The following MED16 variants were observed in gnomAD, a reference collection of about 807,000 sequenced individuals.
The protein encoded by MED16 is mediator complex subunit 16, also known as mediator of RNA polymerase II transcription subunit 16.
In MED16, 81 loss-of-function variants were observed where a neutral mutation model predicts 84.4. That is an observed-to-expected ratio of 0.96 (90% CI 0.80 to 1.15). The LOEUF (loss-of-function observed/expected upper bound fraction) is 1.15, where lower values mean the gene tolerates loss of function less well. Among genes scored for constraint, MED16 ranks in the 50% most tolerant of loss-of-function variants. MED16 has a pLI of 0.00. For synonymous variants in MED16, 897 were observed against 552.2 expected, an observed-to-expected ratio of 1.62 and a Z score of -8.76; for missense variants, 1,585 against 1,245.9, an observed-to-expected ratio of 1.27 and a Z score of -4.10.
In MED16 at chr19:890,171, G is replaced by A. The variant is rs759967376; in HGVS notation, c.243C>T (p.His81=). 1.1e-5 allele frequency: 17 copies of A among 1,552,566 alleles called. No homozygotes were observed. Among genetic ancestry groups the A allele is most frequent in the African/African-American group, 4.1e-5 (3 of 73,136 alleles). The stretch of plus-strand genomic sequence containing the variant: ...CCCACTCCAGGCAGGTGATGGCCTC[G>A]TGGTGCTCTGAGGGGATCGAGTGCA... The part of the protein sequence containing the change: ...WDLHSIPSEH[H]EAITCLEWDQ... The change falls in exon 3 of 16, where the codon CAC becomes CAT. Residue 81 remains histidine, a synonymous_variant. Transcript: ENST00000325464.
At position 884,888 on chromosome 19, in the gene MED16, C is replaced by T. The variant is rs763281890; in HGVS notation, c.985+15G>A. ...AGGGCAGGCCCAGGGCCTCCGCAGC[C>T]GGCGGGAGACTCACCCACGGGGGAG... On this transcript the variant is annotated intron_variant, in intron 6 of 15. Coordinates refer to ENST00000325464, the MANE Select transcript of MED16 (RefSeq NM_005481.3). The T allele has an allele frequency of 4.4e-6, 7 of 1,592,620 alleles. No homozygotes were observed. The highest frequency in any genetic ancestry group is 1.3e-5 in the African/African-American group (1 of 74,686).
Position 881,774 on chromosome 19 carries a change from C to T in MED16, c.986-60G>A, listed in dbSNP as rs573965997. The T allele has an allele frequency of 1.4e-3, 2,236 of 1,566,430 alleles. 3 individuals are homozygous for T. Among genetic ancestry groups the T allele is most frequent in the Non-Finnish European group, 1.6e-3 (1,860 of 1,150,658 alleles). ...TGGAGTAAAGACAGGCTGAGACAGC[C>T]GCAGGAGTCCAGCATGGCCTGGTGT... On this transcript the variant is annotated intron_variant, in intron 6 of 15. Transcript: ENST00000325464.
At chr19:870,983 AGG>A in intron 13 of MED16, 52 bp downstream of exon 13, 2 of 1,454,758 alleles carry the variant, frequency 1.4e-6, no homozygotes, top group Admixed American at 2.2e-5. Flanking sequence ...GTCCCGGGGC[AGG>A]ACACGGAGGA....
intron 8 of MED16, among the ~76,000 whole-genome samples, chr19:877,651 G>A (rs1273204263): frequency 4.1e-5 from 5 of 122,218 alleles, no homozygotes; most frequent in South Asian, 2.8e-4. Flanking sequence ...CCCAGCCCCA[G>A]CCCCAGCCCC....
At position 877,438 on chromosome 19, in the gene MED16, C is replaced by G. The variant is rs868400133; in HGVS notation, c.1354-258G>C. On this transcript the variant is annotated intron_variant, in intron 8 of 15. Coordinates refer to ENST00000325464, the MANE Select transcript of MED16 (RefSeq NM_005481.3). ...GCCGAGCCAGGCTTACACTCGTCTG[C>G]TTTACCTGAGGAGTCTACCCCGTGA... is the stretch of plus-strand genomic sequence containing the variant. Among the ~76,000 whole-genome samples, 6 of 152,284 alleles carry G rather than the reference C, an allele frequency of 3.9e-5. No individual in the cohort carries two copies. The South Asian group carries it at 1.0e-3, about 26-fold the overall frequency.
chr19:885,957 GC>G lies in MED16; in HGVS notation c.691del (p.Ala231ArgfsTer16). On this transcript the variant is annotated frameshift_variant, in exon 5 of 16. Coordinates refer to ENST00000325464, the MANE Select transcript of MED16 (RefSeq NM_005481.3). LOFTEE classifies it high-confidence loss of function. ...TGGGNIVVATADGSSASPVQF... is the reference protein window; with the variant it reads ...TGGGNIVVATXDGSSASPVQF... ...CACGGGCGACGCGCTGCTGCCGTCC[GC>G]CGTGGCCACCACGATGTTGCCGCCG... 1 of 1,612,336 alleles carries G rather than the reference GC, an allele frequency of 6.2e-7. No homozygotes were observed. The highest frequency in any genetic ancestry group is 8.5e-7 in the Non-Finnish European group (1 of 1,179,802).
intron 11 of MED16, 106 bp downstream of exon 11, chr19:873,330 CGGGACTCCAACTA>C (rs2036142473): frequency 1.2e-5 from 3 of 252,336 alleles, no homozygotes; most frequent in African/African-American, 6.5e-4. Flanking sequence ...CAAGTAGGGG[CGGGACTCCAACTA>C]GGGGCGGGGC....
At chr19:887,257 G>C (rs910675722) in intron 4 of MED16, among the ~76,000 whole-genome samples, 1 of 152,192 alleles carries the variant, frequency 6.6e-6, no homozygotes, top group African/African-American at 2.4e-5. Flanking sequence ...TGGTGGTGAG[G>C]GGTTGCCATG....
intron 13 of MED16, among the ~76,000 whole-genome samples, chr19:870,125 AGGGCCCT>A (rs1030861389): frequency 9.9e-5 from 15 of 152,186 alleles, no homozygotes; most frequent in Non-Finnish European, 2.1e-4. Context: ...TCTGCTCAGC[AGGGCCCT>A]GGGCCATATG....
intron 7 of MED16, among the ~76,000 whole-genome samples, chr19:881,354 G>A (rs1036093653): frequency 6.6e-6 from 1 of 152,204 alleles, no homozygotes; most frequent in Non-Finnish European, 1.5e-5. Context: ...CTGTCTGCCA[G>A]CCTCACAGAT....
chr19:871,318 G>T, intron 12 of MED16, 65 bp from the exon 13 acceptor site: 1 of 1,459,982 alleles, frequency 6.8e-7, no homozygotes. Flanking sequence ...CACCCGGGAC[G>T]TGCTGGGAGC....
chr19:872,187 G>T, intron 11 of MED16, 69 bp from the exon 12 acceptor site: 1 of 1,420,298 alleles, frequency 7.0e-7, no homozygotes, highest in South Asian at 1.3e-5. Context: ...AAGTGTCTTG[G>T]GGTCGGTGGA....
At chr19:886,872 T>TC (rs943365553) in intron 4 of MED16, among the ~76,000 whole-genome samples, 1 of 152,032 alleles carries the variant, frequency 6.6e-6, no homozygotes, top group African/African-American at 2.4e-5. Context: ...GGTCAGCAGT[T>TC]CAAGACCAGC....
In MED16 at chr19:871,215, G is replaced by T; in HGVS notation, c.2137C>A (p.Leu713Met). 1 of 1,548,714 alleles carries T rather than the reference G, an allele frequency of 6.5e-7. No homozygotes were observed. ...EGPASEPDEA[L>M]VDECCLLPSQ... Reference sequence around the variant, plus strand: ...GGCAGCAGGCAGCATTCATCCACCAGCGCCTCGTCCGGCTCGCTCGCTGGG... The same window carrying T: ...GGCAGCAGGCAGCATTCATCCACCATCGCCTCGTCCGGCTCGCTCGCTGGG... The change falls in exon 13 of 16, where the codon CTG (leucine) becomes ATG (methionine). Residue 713 changes from leucine to methionine, a missense_variant. Leu to Met is a conservative substitution (Grantham distance 15). Transcript: ENST00000325464.
chr19:888,617 G>A (rs1175934043), intron 4 of MED16, among the ~76,000 whole-genome samples: 1 of 152,048 alleles, frequency 6.6e-6, no homozygotes, highest in Non-Finnish European at 1.5e-5. Context: ...TGGACCGTGT[G>A]GGCTGCACAC....
intron 12 of MED16, among the ~76,000 whole-genome samples, 160 bp from the exon 13 acceptor site, chr19:871,413 C>A (rs1374805873): frequency 6.6e-6 from 1 of 152,094 alleles, no homozygotes; most frequent in Non-Finnish European, 1.5e-5. Context: ...CAGGTCGGGG[C>A]CCCGGCTCTG....
chr19:875,478 C>A, intron 9 of MED16, 24 bp from the exon 10 acceptor site: 1 of 1,580,004 alleles, frequency 6.3e-7, no homozygotes, highest in Non-Finnish European at 8.6e-7. Context: ...GCCAGGTCAC[C>A]CCAAGGGGCC....
chr19:877,215 G>C, intron 8 of MED16, 35 bp from the exon 9 acceptor site: 1 of 1,577,768 alleles, frequency 6.3e-7, no homozygotes, highest in Non-Finnish European at 8.6e-7. Context: ...AGCCCGGTGA[G>C]ATGGGGCTGC....
chr19:871,110 G>C lies in MED16; in HGVS notation c.2242C>G (p.Leu748Val). ...LVSRLQPKQP[L>V]RLQFGRAPTL... is the part of the protein sequence containing the mutation. Reference sequence around the variant, plus strand: ...GGCGCCCGGCCAAACTGCAGACGAAGGGGCTGCTTGGGCTGCAGGCGGCTA... The same window carrying C: ...GGCGCCCGGCCAAACTGCAGACGAACGGGCTGCTTGGGCTGCAGGCGGCTA... Residue 748 changes from leucine (L) to valine (V), a missense_variant, in exon 13 of 16, where the codon CTT (leucine) becomes GTT (valine). Physicochemically the swap from Leu to Val is conservative, Grantham distance 32. Coordinates refer to ENST00000325464, the MANE Select transcript of MED16 (RefSeq NM_005481.3). 1 of 1,548,716 alleles carries C rather than the reference G, an allele frequency of 6.5e-7. No individual in the cohort carries two copies. The highest frequency in any genetic ancestry group is 8.7e-7 in the Non-Finnish European group (1 of 1,145,992).
Sources: gnomAD v4.1 joint callset for allele counts (sites outside exome capture counted in the v4.1 genomes callset) on GRCh38, gnomAD v4.1.1 for gene constraint, MANE v1.5 for transcripts, NCBI Gene and HGNC (gene_info 2026-07-23, HGNC 2026-07-21) for gene names.